Variants in H2BC18 observed in about 807,000 individuals in gnomAD.
H2BC18 encodes the protein histone H2B type 2-F.
H2BC18 carries 8 observed loss-of-function variants against 6.3 expected under a neutral mutation model. The observed-to-expected ratio is 1.28, with a 90% CI of 0.75 to 2.31. The LOEUF (loss-of-function observed/expected upper bound fraction) is 2.31, where lower values mean the gene tolerates loss of function less well. H2BC18 is among the 30% of genes most tolerant of loss of function. The pLI, the probability that H2BC18 is intolerant of heterozygous loss-of-function variation, is 0.00. For synonymous variants in H2BC18, 104 were observed against 78.1 expected, an observed-to-expected ratio of 1.33 and a Z score of -1.75; for missense variants, 106 against 174.5, an observed-to-expected ratio of 0.61 and a Z score of 2.21.
chr1:149,806,064 G>A (rs1310982583), intron 1 of H2BC18, among the ~76,000 whole-genome samples: 4 of 151,928 alleles, frequency 2.6e-5, no homozygotes, highest in African/African-American at 9.7e-5. Flanking sequence ...TCTTTTTTAG[G>A]GCACAAACTA....
At chr1:149,796,769 C>T (rs587651240) in intron 1 of H2BC18, among the ~76,000 whole-genome samples, 25 of 152,226 alleles carry the variant, frequency 1.6e-4, no homozygotes, top group Admixed American at 5.9e-4. Context: ...GCTTATTTAC[C>T]TTTCATGGGT....
At chr1:149,793,472 G>A (rs1278594160) in intron 1 of H2BC18, among the ~76,000 whole-genome samples, 1 of 152,176 alleles carries the variant, frequency 6.6e-6, no homozygotes, top group Non-Finnish European at 1.5e-5. Flanking sequence ...TCCTATCACG[G>A]ATGAAAAGAT....
In H2BC18 at chr1:149,812,057, G is replaced by A. The variant is rs2091982906; in HGVS notation, c.267C>T (p.Thr89=). The A allele has an allele frequency of 3.7e-6, 6 of 1,614,278 alleles. No individual in the cohort carries two copies. Among genetic ancestry groups the A allele is most frequent in the Non-Finnish European group, 4.2e-6 (5 of 1,180,056 alleles). Residue 89 remains threonine (T), a synonymous_variant, in exon 1 of 1, where the codon ACC becomes ACT. Coordinates refer to ENST00000369167, the MANE Select transcript of H2BC18 (RefSeq NM_001024599.5). Reference sequence around the variant, plus strand: ...CCGTCTGGATCTCGCGGGATGTGATGGTGGAGCGCTTGTTGTAGTGCGCCA... The same window carrying A: ...CCGTCTGGATCTCGCGGGATGTGATAGTGGAGCGCTTGTTGTAGTGCGCCA... The part of the protein sequence containing the change: ...SRLAHYNKRS[T]ITSREIQTAV...
intron 1 of H2BC18, chr1:149,805,309 G>C (rs1229120044): frequency 1.3e-5 from 2 of 152,178 alleles, no homozygotes; most frequent in African/African-American, 4.8e-5. Flanking sequence ...GGGTCTTATA[G>C]TGTTCCATAA....
chr1:149,788,805 T>C (rs1553751274), intron 1 of H2BC18, among the ~76,000 whole-genome samples: 4 of 152,144 alleles, frequency 2.6e-5, no homozygotes, highest in African/African-American at 7.2e-5. Flanking sequence ...CCTAGTCCAA[T>C]ACTCTTTCCA....
intron 1 of H2BC18, among the ~76,000 whole-genome samples, chr1:149,798,610 A>G (rs2091826463): frequency 6.6e-6 from 1 of 150,378 alleles, no homozygotes; most frequent in African/African-American, 2.5e-5. Flanking sequence ...GTATTTTTAA[A>G]CCGACTTTAA....
At chr1:149,808,345 C>G (rs2091942415), downstream of H2BC18, among the ~76,000 whole-genome samples, 1 of 152,160 alleles carries the variant, frequency 6.6e-6, no homozygotes, top group African/African-American at 2.4e-5. Context: ...TGTAAGTTCT[C>G]ACAGAATTTT....
chr1:149,798,849 G>C (rs2091829917), intron 1 of H2BC18, among the ~76,000 whole-genome samples: 1 of 152,074 alleles, frequency 6.6e-6, no homozygotes, highest in Non-Finnish European at 1.5e-5. Context: ...TTGGCTTCAA[G>C]TGATCCTCCT....
chr1:149,789,951 T>A lies in H2BC18; in HGVS notation c.378-6691A>T. On this transcript the variant is annotated intron_variant, in intron 1 of 1. Coordinates refer to the H2BC18 transcript ENST00000545683. Reference sequence around the variant, plus strand: ...AAAGGGTTAATGCCTTATGGATGCATTTTCTAGGGCCAGGTTTCCCAAGGG... The same window carrying A: ...AAAGGGTTAATGCCTTATGGATGCAATTTCTAGGGCCAGGTTTCCCAAGGG... 11 of 1,606,956 alleles carry A rather than the reference T, an allele frequency of 6.8e-6. No homozygotes were observed. In the Admixed American group the frequency reaches 1.5e-4, roughly 22 times the overall value.
At chr1:149,787,544 G>A (rs1227489732) in intron 1 of H2BC18, 1 of 152,352 alleles carries the variant, frequency 6.6e-6, no homozygotes, top group Admixed American at 6.5e-5. Context: ...TAGGATGCGT[G>A]GTCCTATTAA....
chr1:149,792,841 G>A (rs1553752221), intron 1 of H2BC18: 1 of 1,273,182 alleles, frequency 7.9e-7, no homozygotes, highest in Non-Finnish European at 1.0e-6. Flanking sequence ...GGATGGAAGA[G>A]AGCAAGGGGT....
At chr1:149,788,643 C>T in intron 1 of H2BC18, 4 of 1,613,818 alleles carry the variant, frequency 2.5e-6, no homozygotes, top group Admixed American at 1.7e-5. Flanking sequence ...AGTCATAGAA[C>T]TGATAGTCCC....
chr1:149,790,562 T>C (rs2091681650), intron 1 of H2BC18, among the ~76,000 whole-genome samples: 1 of 151,528 alleles, frequency 6.6e-6, no homozygotes, highest in East Asian at 2.0e-4. Flanking sequence ...TGCCTTTCCT[T>C]CCTCCATTTC....
At chr1:149,786,281 G>C (rs1476777551) in intron 1 of H2BC18, 1 of 151,894 alleles carries the variant, frequency 6.6e-6, no homozygotes, top group Non-Finnish European at 1.5e-5. Context: ...TTTTTCTATT[G>C]TCTGTCTTTT....
intron 1 of H2BC18, among the ~76,000 whole-genome samples, chr1:149,806,681 G>A (rs587748193): frequency 6.6e-6 from 1 of 152,318 alleles, no homozygotes; most frequent in East Asian, 1.9e-4. Flanking sequence ...AAGATGTTCA[G>A]GGAAGACCTC....
chr1:149,788,510 C>G (rs1485678599), intron 1 of H2BC18: 1 of 1,613,724 alleles, frequency 6.2e-7, no homozygotes, highest in Non-Finnish European at 8.5e-7. Context: ...CACTGGAATT[C>G]TAACCTCACC....
At chr1:149,810,233 G>A (rs1173786291), downstream of H2BC18, among the ~76,000 whole-genome samples, 4 of 151,906 alleles carry the variant, frequency 2.6e-5, no homozygotes, top group East Asian at 1.9e-4. Flanking sequence ...CACCTCGGCC[G>A]TCTCACTTAC....
intron 1 of H2BC18, among the ~76,000 whole-genome samples, chr1:149,797,863 A>G (rs2091818011): frequency 6.6e-6 from 1 of 152,106 alleles, no homozygotes; most frequent in African/African-American, 2.4e-5. Flanking sequence ...TCTGCCTACC[A>G]ATTATTTTCT....
At chr1:149,793,291 C>T (rs1198982332) in intron 1 of H2BC18, 1 of 1,199,044 alleles carries the variant, frequency 8.3e-7, no homozygotes, top group Non-Finnish European at 1.1e-6. Flanking sequence ...CGCCCGCCTC[C>T]CCGTCCAGCT....
Sources: gnomAD v4.1 joint callset for allele counts (sites outside exome capture counted in the v4.1 genomes callset) on GRCh38, gnomAD v4.1.1 for gene constraint, MANE v1.5 for transcripts, NCBI Gene and HGNC (gene_info 2026-07-23, HGNC 2026-07-21) for gene names.